VSNL1: variants seen among roughly 807,000 people sequenced by gnomAD.
The protein encoded by VSNL1 is visinin like 1.
In VSNL1, 6 loss-of-function variants were observed where a neutral mutation model predicts 20.4. The observed-to-expected ratio is 0.29, with a 90% CI of 0.16 to 0.58. The LOEUF (loss-of-function observed/expected upper bound fraction) is 0.58, where lower values mean the gene tolerates loss of function less well. Ranked by LOEUF, VSNL1 falls within the 20% of genes least tolerant of loss-of-function variation. VSNL1 has a pLI of 0.90. For synonymous variants in VSNL1, 93 were observed against 86.4 expected (o/e 1.08, Z -0.42); for missense variants, 100 against 234.5 (o/e 0.43, Z 3.75).
chr2:17,652,510 T>C (rs1394854660), intron 3 of VSNL1, among the ~76,000 whole-genome samples: 3 of 152,132 alleles, frequency 2.0e-5, no homozygotes, highest in African/African-American at 7.2e-5. Context: ...AAATCCTAAA[T>C]AGAGCAGCCC....
intron 1 of VSNL1, among the ~76,000 whole-genome samples, chr2:17,556,588 A>G (rs1215242206): frequency 6.6e-6 from 1 of 152,216 alleles, no homozygotes; most frequent in Non-Finnish European, 1.5e-5. Context: ...TACTTAGGAC[A>G]GAGCGGGGGA....
At chr2:17,598,671 C>T (rs1357662148) in intron 2 of VSNL1, among the ~76,000 whole-genome samples, 1 of 152,202 alleles carries the variant, frequency 6.6e-6, no homozygotes, top group Admixed American at 6.5e-5. Flanking sequence ...TATAAACTCT[C>T]TTGGGGTAGC....
At chr2:17,629,768 G>T (rs1665591050) in intron 2 of VSNL1, among the ~76,000 whole-genome samples, 1 of 152,208 alleles carries the variant, frequency 6.6e-6, no homozygotes, top group Admixed American at 6.5e-5. Context: ...CATCCAAGAA[G>T]AATAAGGTTA....
intron 2 of VSNL1, among the ~76,000 whole-genome samples, chr2:17,622,919 A>G (rs1665419759): frequency 6.6e-6 from 1 of 152,156 alleles, no homozygotes; most frequent in Admixed American, 6.5e-5. Context: ...GAGGGCTCCA[A>G]TCCACTGTGG....
chr2:17,542,455 G>A (rs1663307241), intron 1 of VSNL1, among the ~76,000 whole-genome samples: 1 of 152,144 alleles, frequency 6.6e-6, no homozygotes, highest in Admixed American at 6.5e-5. Context: ...ATCGGGTGTG[G>A]GGGCCATCAA....
rs551789897 is a variant in VSNL1, at chr2:17,570,130, T to C, written c.-5-21940T>C. ...TCTTCATGAAATACAGTGAAGAGAT[T>C]GACCTCTTCTCTTTTCACTTCCATT... is the stretch of plus-strand genomic sequence containing the variant. On this transcript the variant is annotated intron_variant, in intron 1 of 3. Coordinates refer to ENST00000295156, the MANE Select transcript of VSNL1 (RefSeq NM_003385.5). Among the ~76,000 whole-genome samples the C allele has an allele frequency of 3.3e-5, 5 of 152,358 alleles. No homozygotes were observed. The South Asian group carries it at 8.3e-4, about 25-fold the overall frequency.
rs758605080 is a variant in VSNL1, at chr2:17,655,168, A to G, written c.379-29A>G. On this transcript the variant is annotated intron_variant, in intron 3 of 3. Coordinates refer to ENST00000295156, the MANE Select transcript of VSNL1 (RefSeq NM_003385.5). This position sits in a 1 kb window ranked among gnomAD's most constrained non-coding sequence, Gnocchi z 5.2. The stretch of plus-strand genomic sequence containing the variant: ...TCTCTGTCCTCCTGGGTTTCTGGTA[A>G]TATCACCTACAATGCTTTTTTCCCC... 13 of 1,609,394 alleles carry G rather than the reference A, an allele frequency of 8.1e-6. No homozygotes were observed. Among genetic ancestry groups the G allele is most frequent in the Admixed American group, 1.7e-5 (1 of 59,828 alleles).
intron 2 of VSNL1, among the ~76,000 whole-genome samples, chr2:17,599,032 G>A (rs1664772289): frequency 6.6e-6 from 1 of 152,226 alleles, no homozygotes; most frequent in African/African-American, 2.4e-5. Flanking sequence ...CGCAGCCCCT[G>A]CTTTGCAGTC....
chr2:17,635,313 TG>T (rs1665726552), intron 2 of VSNL1, among the ~76,000 whole-genome samples: 1 of 152,112 alleles, frequency 6.6e-6, no homozygotes, highest in Non-Finnish European at 1.5e-5. Flanking sequence ...CAGCAAGCTG[TG>T]GGCGGTGGGG....
intron 1 of VSNL1, among the ~76,000 whole-genome samples, chr2:17,565,847 A>G (rs1663925905): frequency 1.3e-5 from 2 of 152,226 alleles, no homozygotes; most frequent in South Asian, 2.1e-4. Flanking sequence ...TAATTGAATC[A>G]GCAGTTCCTG....
At chr2:17,565,531 C>A (rs1006698564) in intron 1 of VSNL1, among the ~76,000 whole-genome samples, 2 of 152,038 alleles carry the variant, frequency 1.3e-5, no homozygotes, top group Non-Finnish European at 2.9e-5. Context: ...ATGTATCATT[C>A]ACCAAATTGC....
intron 1 of VSNL1, among the ~76,000 whole-genome samples, chr2:17,567,990 T>C (rs964018532): frequency 3.9e-5 from 6 of 152,130 alleles, no homozygotes; most frequent in Non-Finnish European, 8.8e-5. Context: ...AAAGTTAAAT[T>C]AGTCTATTCT....
chr2:17,600,054 T>G (rs1264739384), intron 2 of VSNL1, among the ~76,000 whole-genome samples: 1 of 152,196 alleles, frequency 6.6e-6, no homozygotes, highest in African/African-American at 2.4e-5. Flanking sequence ...TTCCCAAGAC[T>G]TTGGTGTGCA....
At chr2:17,654,269 TAC>T (rs1401885325) in intron 3 of VSNL1, among the ~76,000 whole-genome samples, 3 of 152,252 alleles carry the variant, frequency 2.0e-5, no homozygotes, top group Non-Finnish European at 4.4e-5. Flanking sequence ...ATTAATTGTA[TAC>T]AGTTAGTTGG....
chr2:17,601,165 A>G (rs1049120962), intron 2 of VSNL1, among the ~76,000 whole-genome samples: 1 of 152,212 alleles, frequency 6.6e-6, no homozygotes, highest in Non-Finnish European at 1.5e-5. Flanking sequence ...CTCTGCCCTC[A>G]GGATAAGGTT....
Position 17,561,886 on chromosome 2 carries a change from C to G in VSNL1, c.-6+20968C>G, listed in dbSNP as rs1052372458. 3.3e-5 allele frequency among the ~76,000 whole-genome samples: 5 copies of G among 152,070 alleles called. No homozygotes were observed. The East Asian group carries it at 9.6e-4, about 29-fold the overall frequency. On this transcript the variant is annotated intron_variant, in intron 1 of 3. Coordinates refer to ENST00000295156, the MANE Select transcript of VSNL1 (RefSeq NM_003385.5). ...GTATCTATTCTTTTTTTTGGTGACTCTTAACAATAGCCAAGAAGTTAATCC... is the reference window on the plus strand; with the variant it reads ...GTATCTATTCTTTTTTTTGGTGACTGTTAACAATAGCCAAGAAGTTAATCC...
intron 1 of VSNL1, among the ~76,000 whole-genome samples, chr2:17,549,955 C>T (rs1033969443): frequency 5.3e-5 from 8 of 152,158 alleles, no homozygotes; most frequent in Non-Finnish European, 8.8e-5. Context: ...GTGTTTTAGG[C>T]ATCACACCTG....
intron 2 of VSNL1, among the ~76,000 whole-genome samples, chr2:17,594,498 G>A (rs1664668521): frequency 6.6e-6 from 1 of 152,158 alleles, no homozygotes; most frequent in African/African-American, 2.4e-5. Context: ...CCAGAAGATG[G>A]GCTGATGAGA....
chr2:17,656,363 T>C lies in VSNL1; in HGVS notation c.*969T>C, dbSNP rs1170737908. On this transcript the variant is annotated 3_prime_UTR_variant, in exon 4 of 4. Coordinates refer to ENST00000295156, the MANE Select transcript of VSNL1 (RefSeq NM_003385.5). ...CAAAAGAGGGACAACGAACATGGCA[T>C]GTGAAAAGTAAAACAGATTTGTTCA... 1 of 152,162 alleles carries C rather than the reference T, an allele frequency of 6.6e-6. No homozygotes were observed. The highest frequency in any genetic ancestry group is 6.5e-5 in the Admixed American group (1 of 15,280). 9.4% of individuals were successfully genotyped at this position (152,162 alleles called of 1,614,324 possible). A position where few individuals can be genotyped will look rare whatever the true frequency, so the allele number is the denominator to read the frequency against.
Sources: allele counts gnomAD v4.1 joint callset (sites outside exome capture counted in the v4.1 genomes callset), GRCh38; gene constraint gnomAD v4.1.1; non-coding constraint Gnocchi (gnomAD v3.1); transcripts MANE v1.5; gene names NCBI Gene and HGNC (gene_info 2026-07-23, HGNC 2026-07-21).